The following SI variants were observed in gnomAD, a reference collection of about 807,000 sequenced individuals.
SI encodes the protein sucrase-isomaltase, intestinal.
Under a neutral mutation model 253.3 loss-of-function variants are expected in SI, and 235 were observed. The ratio of observed to expected loss-of-function variants is 0.93; its 90% CI spans 0.83 to 1.03. SI has a LOEUF of 1.03. SI is among the 50% of genes least tolerant of loss of function. The pLI is 0.00. For missense variants in SI, 2,442 were observed against 2,211.1 expected (o/e 1.10, Z -2.09); for synonymous variants, 819 against 712.0 (o/e 1.15, Z -2.39).
rs1193045093 is a variant in SI, at chr3:165,078,429, T to G, written c.-1+4A>C. The G allele has an allele frequency of 6.6e-6, 1 of 152,012 alleles. No homozygotes were observed. Among genetic ancestry groups the G allele is most frequent in the Non-Finnish European group, 1.5e-5 (1 of 67,690 alleles). The allele number at this position is 152,012 out of a possible 1,614,324, so 9.4% of individuals were successfully genotyped here. A position where few individuals can be genotyped will look rare whatever the true frequency, so the allele number is the denominator to read the frequency against. Reference sequence around the variant, plus strand: ...AACAAAAAACATATGAGCCATAGACTTACCTTATTTCATAGCCTGTTCTCT... The same window carrying G: ...AACAAAAAACATATGAGCCATAGACGTACCTTATTTCATAGCCTGTTCTCT... On this transcript the variant is annotated splice_donor_region_variant and intron_variant, in intron 1 of 47. Transcript: ENST00000264382.
Position 165,023,731 on chromosome 3 carries a change from C to A in SI, c.2938G>T (p.Asp980Tyr). Residue 980 changes from aspartate to tyrosine, a missense_variant, in exon 26 of 48, where the codon GAT becomes TAT. By Grantham distance (160) the Asp-to-Tyr change is radical (BLOSUM62 -3). Coordinates refer to ENST00000264382, the MANE Select transcript of SI (RefSeq NM_001041.4). The part of the protein sequence containing the change: ...KAPECYFPRQ[D>Y]NSYSVNSARY... The stretch of plus-strand genomic sequence containing the variant: ...GCTGAGTTGACTGAATAAGAGTTAT[C>A]TTGTCTGGGAAAGTAACACTCAGGT... 6.2e-7 allele frequency: 1 copy of A among 1,610,584 alleles called. No individual in the cohort carries two copies. The highest frequency in any genetic ancestry group is 8.5e-7 in the Non-Finnish European group (1 of 1,177,778).
chr3:165,040,856 T>A, intron 18 of SI, 84 bp downstream of exon 18: 8 of 1,095,082 alleles, frequency 7.3e-6, no homozygotes, highest in Non-Finnish European at 1.1e-5. Context: ...AATTGATATC[T>A]TGATTTACCT....
intron 28 of SI, 34 bp downstream of exon 28, chr3:165,019,568 T>G (rs1423944816): frequency 6.2e-7 from 1 of 1,600,674 alleles, no homozygotes; most frequent in Admixed American, 1.7e-5. Context: ...ATGGTCTTAG[T>G]TGCCTCGTGG....
intron 25 of SI, among the ~76,000 whole-genome samples, chr3:165,030,184 G>A (rs1011166811): frequency 1.3e-5 from 2 of 150,794 alleles, no homozygotes; most frequent in Non-Finnish European, 3.0e-5. Flanking sequence ...CAAGAGGAAT[G>A]TTTTACAATG....
At position 165,033,417 on chromosome 3, in the gene SI, A is replaced by G. The variant is rs1349504258; in HGVS notation, c.2543T>C (p.Leu848Ser). Residue 848 changes from leucine (L) to serine (S), a missense_variant, in exon 23 of 48, where the codon TTA becomes TCA. By Grantham distance (145) the Leu-to-Ser change is moderately radical (BLOSUM62 -2). Transcript: ENST00000264382. ...KDTIQNGNYI[L>S]YTFSVSNNTL... ...TACATTAGAAACTGAAAATGTATAT[A>G]ATATGTAGTTGCCATTTTGTATTGT... 2.0e-5 allele frequency: 31 copies of G among 1,553,430 alleles called. No individual in the cohort carries two copies. Among genetic ancestry groups the G allele is most frequent in the Non-Finnish European group, 2.6e-5 (30 of 1,146,308 alleles).
At chr3:165,087,019 G>A in the SI span, among the ~76,000 whole-genome samples, 2 of 152,200 alleles carry the variant, frequency 1.3e-5, no homozygotes, top group South Asian at 2.1e-4. Context: ...TATCCCACGT[G>A]CTCCCCTACA....
Position 165,036,386 on chromosome 3 carries a change from T to TA in SI, c.2515+2dup, listed in dbSNP as rs1337172756. 1.9e-6 allele frequency: 3 copies of TA among 1,600,744 alleles called. No homozygotes were observed. In the East Asian group the frequency reaches 6.7e-5, roughly 36 times the overall value. ...ATTTAAAGCGTATTACTTTCAGACT[T>TA]ACCTTTAGTTTCTCCATCATCCCAG... On this transcript the variant is annotated splice_region_variant and intron_variant, in intron 22 of 47. Coordinates refer to ENST00000264382, the MANE Select transcript of SI (RefSeq NM_001041.4).
chr3:165,082,802 C>CCAGT (rs1337561710), upstream of SI, among the ~76,000 whole-genome samples: 9 of 151,932 alleles, frequency 5.9e-5, no homozygotes, highest in African/African-American at 2.2e-4. Context: ...TCAAAGCTCA[C>CCAGT]CAGTCAAAGT....
In SI at chr3:165,023,630, G is replaced by A; in HGVS notation, c.3039C>T (p.Asp1013=). The A allele has an allele frequency of 6.2e-7, 1 of 1,610,914 alleles. No individual in the cohort carries two copies. Among genetic ancestry groups the A allele is most frequent in the South Asian group, 1.1e-5 (1 of 91,056 alleles). ...CCTCCACACGAAGAGTTGAGATGGG[G>A]TCAGAAGGTAACTTTATTCTGGCAT... is the stretch of plus-strand genomic sequence containing the variant. ...TANARIKLPS[D]PISTLRVEVK... The change falls in exon 26 of 48, where the codon GAC becomes GAT. Residue 1013 remains aspartate, a synonymous_variant. Transcript: ENST00000264382.
At chr3:165,041,946 C>A (rs1471930545) in intron 17 of SI, among the ~76,000 whole-genome samples, 1 of 152,040 alleles carries the variant, frequency 6.6e-6, no homozygotes, top group East Asian at 1.9e-4. Context: ...AAGGACTCCC[C>A]ACTCACTTGA....
intron 6 of SI, 145 bp from the exon 7 acceptor site, chr3:165,065,577 T>G (rs1416470883): frequency 1.0e-5 from 2 of 195,614 alleles, no homozygotes; most frequent in Admixed American, 6.3e-5. Flanking sequence ...TTTGGTCACT[T>G]CTTAGAAACA....
intron 27 of SI, among the ~76,000 whole-genome samples, chr3:165,020,818 C>T (rs926355850): frequency 6.6e-6 from 1 of 151,408 alleles, no homozygotes; most frequent in Non-Finnish European, 1.5e-5. Flanking sequence ...TCACTAATAC[C>T]TGGCAGATAA....
At chr3:165,085,804 C>A in the SI span, among the ~76,000 whole-genome samples, 36 of 152,106 alleles carry the variant, frequency 2.4e-4, no homozygotes, top group South Asian at 8.3e-4. Flanking sequence ...TTGTTAAAAA[C>A]TTCTTTGATG....
chr3:165,035,643 C>G (rs1226854562), intron 22 of SI, among the ~76,000 whole-genome samples: 2 of 151,264 alleles, frequency 1.3e-5, no homozygotes, highest in Non-Finnish European at 3.0e-5. Flanking sequence ...CAAGGATATT[C>G]CTTAATACAC....
intron 36 of SI, among the ~76,000 whole-genome samples, 198 bp downstream of exon 36, chr3:165,007,713 T>C (rs1408088925): frequency 6.6e-6 from 1 of 151,054 alleles, no homozygotes; most frequent in African/African-American, 2.4e-5. Context: ...GTCCAGTGTG[T>C]GGGTGGGTAG....
intron 6 of SI, among the ~76,000 whole-genome samples, chr3:165,065,986 C>T (rs971525816): frequency 2.6e-5 from 4 of 151,786 alleles, no homozygotes; most frequent in Non-Finnish European, 4.4e-5. Context: ...TTAGTCATTG[C>T]ATATACAGTC....
At position 165,042,952 on chromosome 3, in the gene SI, T is replaced by G. The variant is rs1712919874; in HGVS notation, c.2004+107A>C. 5 of 770,626 alleles carry G rather than the reference T, an allele frequency of 6.5e-6. No individual in the cohort carries two copies. The South Asian group carries it at 7.2e-5, about 11-fold the overall frequency. 47.7% of individuals were successfully genotyped at this position (770,626 alleles called of 1,614,324 possible). A position where few individuals can be genotyped will look rare whatever the true frequency, so the allele number is the denominator to read the frequency against. ...GGACTTCTAACAATGTCTTATGAAT[T>G]ATGCTACAATCTTTCAGACCATATA... On this transcript the variant is annotated intron_variant, in intron 17 of 47. Transcript: ENST00000264382.
At chr3:165,062,816 G>A (rs958561486) in intron 8 of SI, among the ~76,000 whole-genome samples, 4 of 151,918 alleles carry the variant, frequency 2.6e-5, no homozygotes, top group African/African-American at 7.2e-5. Context: ...TTAATTAGTC[G>A]TTTAAATTGA....
At position 165,022,477 on chromosome 3, in the gene SI, A is replaced by G. The variant is rs149750352; in HGVS notation, c.3099+1093T>C. ...AAATTTTTAAATAACCTACCTCTTCATTATTAATTTGTGAACCTTTCTTCA... is the reference window on the plus strand; with the variant it reads ...AAATTTTTAAATAACCTACCTCTTCGTTATTAATTTGTGAACCTTTCTTCA... On this transcript the variant is annotated intron_variant, in intron 26 of 47. Transcript: ENST00000264382. 3.8e-3 allele frequency among the ~76,000 whole-genome samples: 574 copies of G among 150,574 alleles called. 4 individuals are homozygous for G. The highest frequency in any genetic ancestry group is 0.017 in the Middle Eastern group (5 of 294).
Sources: gnomAD v4.1 joint callset for allele counts (sites outside exome capture counted in the v4.1 genomes callset) on GRCh38, gnomAD v4.1.1 for gene constraint, MANE v1.5 for transcripts, NCBI Gene and HGNC (gene_info 2026-07-23, HGNC 2026-07-21) for gene names.